Variants in DLG2 observed in about 807,000 individuals in gnomAD.
The protein encoded by DLG2 is discs large MAGUK scaffold protein 2, also known as disks large homolog 2.
DLG2 carries 45 observed loss-of-function variants against 132.5 expected under a neutral mutation model. The ratio of observed to expected loss-of-function variants is 0.34; its 90% CI spans 0.27 to 0.44. DLG2 has a LOEUF of 0.44. Among genes scored for constraint, DLG2 ranks in the 20% least tolerant of loss-of-function variants. The pLI is 1.00. For synonymous variants in DLG2, 424 were observed against 419.6 expected (o/e 1.01, Z -0.13); for missense variants, 1,045 against 1,196.9 (o/e 0.87, Z 1.87).
intron 3 of DLG2, among the ~76,000 whole-genome samples, chr11:85,532,165 A>T (rs2075255397): frequency 6.6e-6 from 1 of 152,232 alleles, no homozygotes; most frequent in Non-Finnish European, 1.5e-5. Flanking sequence ...TACGCAGTAT[A>T]TACAAAAGAA....
intron 3 of DLG2, among the ~76,000 whole-genome samples, chr11:85,575,114 T>A (rs1455194707): frequency 6.6e-6 from 1 of 151,760 alleles, no homozygotes; most frequent in Non-Finnish European, 1.5e-5. Flanking sequence ...GACCCTATTA[T>A]TATTATTCTC....
intron 18 of DLG2, among the ~76,000 whole-genome samples, chr11:83,702,869 G>T (rs1206210055): frequency 6.6e-6 from 1 of 152,234 alleles, no homozygotes; most frequent in Non-Finnish European, 1.5e-5. Context: ...CAATTTTTCT[G>T]CAGTCCATAC....
At chr11:83,999,957 TAA>T (rs58517221) in intron 11 of DLG2, among the ~76,000 whole-genome samples, 33 of 148,934 alleles carry the variant, frequency 2.2e-4, no homozygotes, top group African/African-American at 5.9e-4. Context: ...CTGGAAACAT[TAA>T]AAAAAAAAAC....
At chr11:84,188,630 G>T (rs1480523787) in intron 8 of DLG2, among the ~76,000 whole-genome samples, 1 of 152,068 alleles carries the variant, frequency 6.6e-6, no homozygotes, top group African/African-American at 2.4e-5. Flanking sequence ...GAAAAATAAA[G>T]ACTTATTCCT....
intron 17 of DLG2, among the ~76,000 whole-genome samples, chr11:83,822,721 C>T (rs2051183444): frequency 1.3e-5 from 2 of 152,186 alleles, no homozygotes; most frequent in African/African-American, 2.4e-5. Flanking sequence ...GAGCCTGGTT[C>T]CTCAGGCTTC....
chr11:84,696,697 G>A (rs148235658), intron 6 of DLG2, among the ~76,000 whole-genome samples: 2 of 151,502 alleles, frequency 1.3e-5, no homozygotes, highest in East Asian at 2.0e-4. Flanking sequence ...GTAGACATAC[G>A]GAGGAAGAAG....
chr11:83,992,846 C>A (rs1383899325), intron 11 of DLG2, among the ~76,000 whole-genome samples: 2 of 151,990 alleles, frequency 1.3e-5, no homozygotes, highest in African/African-American at 4.8e-5. Flanking sequence ...ACTCTGGTAA[C>A]AAGAAAGGAT....
intron 3 of DLG2, among the ~76,000 whole-genome samples, chr11:85,501,360 CA>C (rs747684553): frequency 1.6e-4 from 25 of 152,120 alleles, no homozygotes; most frequent in Non-Finnish European, 2.6e-4. Context: ...TAGGCATGGG[CA>C]AAGGCTTCAT....
intron 3 of DLG2, among the ~76,000 whole-genome samples, chr11:85,371,356 A>G (rs1230212844): frequency 6.6e-6 from 1 of 152,206 alleles, no homozygotes; most frequent in Non-Finnish European, 1.5e-5. Context: ...TACGGCCTTT[A>G]ATAATTGAGT....
intron 6 of DLG2, among the ~76,000 whole-genome samples, chr11:85,087,883 G>A (rs1190918439): frequency 6.7e-6 from 1 of 149,200 alleles, no homozygotes; most frequent in African/African-American, 2.4e-5. Context: ...ATCATGGAGG[G>A]ATTTGAGGAC....
At chr11:84,514,706 G>T (rs2099267385) in intron 7 of DLG2, among the ~76,000 whole-genome samples, 1 of 151,890 alleles carries the variant, frequency 6.6e-6, no homozygotes, top group African/African-American at 2.4e-5. Flanking sequence ...GATGTTTAAA[G>T]TATGCCAAAG....
At chr11:84,934,525 GTTTTTT>G (rs757894179) in intron 6 of DLG2, among the ~76,000 whole-genome samples, 1 of 38,660 alleles carries the variant, frequency 2.6e-5, no homozygotes, top group East Asian at 1.3e-3. Context: ...GTTTTGTTTT[GTTTTTT>G]TTTTTTTTTT....
intron 7 of DLG2, among the ~76,000 whole-genome samples, chr11:84,359,915 A>G (rs1340582908): frequency 6.6e-6 from 1 of 151,982 alleles, no homozygotes; most frequent in African/African-American, 2.4e-5. Context: ...ATTTTACAGT[A>G]AATTTCCTGA....
intron 18 of DLG2, among the ~76,000 whole-genome samples, chr11:83,762,981 T>C (rs1158441666): frequency 6.6e-6 from 1 of 152,172 alleles, no homozygotes; most frequent in African/African-American, 2.4e-5. Flanking sequence ...TTTGTTTTGT[T>C]ATTTTCTGTT....
intron 17 of DLG2, among the ~76,000 whole-genome samples, chr11:83,793,449 T>C (rs776022342): frequency 2.3e-4 from 35 of 152,240 alleles, no homozygotes; most frequent in Non-Finnish European, 4.0e-4. Flanking sequence ...TATACTTTAA[T>C]GTTTGATGTG....
rs535655326 is a variant in DLG2 at position 85,105,964 on chromosome 11, A to G, written c.357+5697T>C. ...TAGGTCACACAATGCATTCTGGGAA[A>G]AAAAGGGTTGGGAGGAACTACCAAA... On this transcript the variant is annotated intron_variant, in intron 6 of 27. Coordinates refer to ENST00000376104, the MANE Select transcript of DLG2 (RefSeq NM_001142699.3). Among the ~76,000 whole-genome samples the G allele has an allele frequency of 2.0e-5, 3 of 147,098 alleles. No homozygotes were observed. In the South Asian group the frequency reaches 6.5e-4, roughly 32 times the overall value.
intron 6 of DLG2, among the ~76,000 whole-genome samples, chr11:84,776,886 A>T (rs991701749): frequency 6.6e-6 from 1 of 152,056 alleles, no homozygotes; most frequent in South Asian, 2.1e-4. Context: ...TTGTGCAAAG[A>T]TATATTTTTC....
At chr11:84,883,033 A>C (rs150354282) in intron 6 of DLG2, among the ~76,000 whole-genome samples, 12,219 of 152,184 alleles carry the variant, frequency 0.08, 1,048 homozygotes, top group African/African-American at 0.21. Flanking sequence ...AGCACTATTC[A>C]CAATAGCAAA....
rs1555173987 is a variant in DLG2, at chr11:85,529,993, T to TTTG, written c.40+68663_40+68664insCAA. ...ATCTGCCTAGAGAGGGTTTGTTTTT[T>TTTG]TTTTTTTTTTTTTGAGGTGGAGTTT... On this transcript the variant is annotated intron_variant, in intron 3 of 27. Coordinates refer to ENST00000376104, the MANE Select transcript of DLG2 (RefSeq NM_001142699.3). Among the ~76,000 whole-genome samples, 253 of 149,920 alleles carry TTTG rather than the reference T, an allele frequency of 1.7e-3. 2 individuals are homozygous for TTTG. The highest frequency in any genetic ancestry group is 6.0e-3 in the African/African-American group (244 of 40,748).
Sources: allele counts gnomAD v4.1 joint callset (sites outside exome capture counted in the v4.1 genomes callset), GRCh38; gene constraint gnomAD v4.1.1; transcripts MANE v1.5; gene names NCBI Gene and HGNC (gene_info 2026-07-23, HGNC 2026-07-21).